The following AMZ2 variants were observed in gnomAD, a reference collection of about 807,000 sequenced individuals.
AMZ2 encodes the protein archaelysin family metallopeptidase 2, also known as archaemetzincin-2.
AMZ2 carries 26 observed loss-of-function variants against 36.7 expected under a neutral mutation model. The ratio of observed to expected loss-of-function variants is 0.71; its 90% CI spans 0.52 to 0.98. The LOEUF is 0.98. AMZ2 is among the 50% of genes least tolerant of loss of function. AMZ2 has a pLI of 0.00. For synonymous variants in AMZ2, 144 were observed against 149.1 expected (o/e 0.97, Z 0.25); for missense variants, 394 against 430.5 (o/e 0.92, Z 0.75).
chr17:68,214,756 C>T (rs2073152619), intron 1 of AMZ2, among the ~76,000 whole-genome samples: 1 of 151,772 alleles, frequency 6.6e-6, no homozygotes, highest in South Asian at 2.1e-4. Context: ...TTGTGTGTCT[C>T]CTACTTTATC....
intron 1 of AMZ2, among the ~76,000 whole-genome samples, chr17:68,217,841 C>T (rs1403419918): frequency 1.4e-5 from 2 of 139,414 alleles, no homozygotes; most frequent in Admixed American, 7.6e-5. Flanking sequence ...GAGATGGAGG[C>T]TGGCTCTGTC....
chr17:68,218,116 A>G (rs1250520977), intron 1 of AMZ2, among the ~76,000 whole-genome samples: 7 of 152,110 alleles, frequency 4.6e-5, no homozygotes, highest in Non-Finnish European at 7.4e-5. Context: ...CCGGCCAAAA[A>G]AAAGGTTCTT....
intron 4 of AMZ2, among the ~76,000 whole-genome samples, chr17:68,251,640 C>G (rs1316806372): frequency 3.9e-5 from 6 of 151,960 alleles, no homozygotes; most frequent in Middle Eastern, 3.4e-3. Context: ...GCACTCCAGC[C>G]TGGGCAATAA....
chr17:68,209,632 A>ATTTTT (rs1224207690), intron 1 of AMZ2, among the ~76,000 whole-genome samples: 12 of 90,680 alleles, frequency 1.3e-4, no homozygotes, highest in African/African-American at 5.9e-4. Flanking sequence ...ATATATATAT[A>ATTTTT]TTTTTTTTTT....
intron 1 of AMZ2, among the ~76,000 whole-genome samples, chr17:68,209,767 C>A (rs935636297): frequency 6.7e-6 from 1 of 150,168 alleles, no homozygotes; most frequent in Non-Finnish European, 1.5e-5. Context: ...ATTACAGGTG[C>A]CTGCCACCAT....
intron 1 of AMZ2, among the ~76,000 whole-genome samples, chr17:68,222,880 C>A (rs1274806030): frequency 6.6e-6 from 1 of 152,128 alleles, no homozygotes; most frequent in East Asian, 1.9e-4. Context: ...AACTATGGAC[C>A]AATACGGGTC....
chr17:68,213,828 T>G (rs1288401701), intron 1 of AMZ2, among the ~76,000 whole-genome samples: 25 of 151,762 alleles, frequency 1.6e-4, no homozygotes, highest in African/African-American at 5.3e-4. Context: ...TTTTTCTTTT[T>G]GGGGTATTTG....
chr17:68,248,903 G>A (rs1216493073), intron 1 of AMZ2, 198 bp downstream of exon 1: 5 of 654,198 alleles, frequency 7.6e-6, no homozygotes, highest in East Asian at 1.2e-4. Flanking sequence ...ATTAGCTTAA[G>A]TTTTCCCATC....
At chr17:68,222,730 A>C (rs1281090031) in intron 1 of AMZ2, among the ~76,000 whole-genome samples, 1 of 152,148 alleles carries the variant, frequency 6.6e-6, no homozygotes, top group African/African-American at 2.4e-5. Flanking sequence ...TGCACTCCTA[A>C]GAAAATCTAA....
chr17:68,212,698 C>G (rs1555726362), intron 1 of AMZ2, among the ~76,000 whole-genome samples: 1 of 141,886 alleles, frequency 7.0e-6, no homozygotes, highest in African/African-American at 2.5e-5. Context: ...TACCAAGTAG[C>G]TAGGATTATA....
At position 68,248,652 on chromosome 17, in the gene AMZ2, A is replaced by C. The variant is rs1568372404; in HGVS notation, c.-54A>C. 2.0e-6 allele frequency: 2 copies of C among 985,910 alleles called. No homozygotes were observed. Among genetic ancestry groups the C allele is most frequent in the Non-Finnish European group, 2.4e-6 (2 of 830,090 alleles). 61.1% of individuals were successfully genotyped at this position (985,910 alleles called of 1,614,324 possible). ...AACTTTCTTCCAGCCAGGCCCAGAC[A>C]TGTCCGTCCTTGTAAGTTAAAAGCT... On this transcript the variant is annotated 5_prime_UTR_variant, in exon 1 of 7. It removes an upstream start codon present in the reference 5' UTR. Transcript: ENST00000359904.
Position 68,250,356 on chromosome 17 carries a change from T to A in AMZ2, c.169T>A (p.Ser57Thr). The A allele has an allele frequency of 4.3e-6, 7 of 1,614,176 alleles. No individual in the cohort carries two copies. The highest frequency in any genetic ancestry group is 5.9e-6 in the Non-Finnish European group (7 of 1,180,028). Residue 57 changes from serine (S) to threonine (T), a missense_variant, in exon 2 of 7, where the codon TCA becomes ACA. Ser to Thr is a moderately conservative substitution (Grantham distance 58, BLOSUM62 1). Coordinates refer to ENST00000359904, the MANE Select transcript of AMZ2 (RefSeq NM_016627.5). ...LFGPITLHSP[S>T]DWITSHPEAP... is the part of the protein sequence containing the mutation. ...TGGACCCATTACCTTGCATTCTCCA[T>A]CAGATTGGATCACCTCCCACCCTGA...
At chr17:68,228,376 G>A (rs1326421172) in intron 1 of AMZ2, among the ~76,000 whole-genome samples, 1 of 152,164 alleles carries the variant, frequency 6.6e-6, no homozygotes, top group East Asian at 1.9e-4. Context: ...GTGACTTGCT[G>A]GGGTCACATG....
rs528296958 is a variant in AMZ2 at position 68,215,076 on chromosome 17, G to A, written c.-67+8838G>A. On this transcript the variant is annotated intron_variant, in intron 1 of 7. Transcript: ENST00000674770. ...TGGGATTATAGGCGTGAGCCACTGCGTCCAGACTAACAATATTTCTTTAGT... is the reference window on the plus strand; with the variant it reads ...TGGGATTATAGGCGTGAGCCACTGCATCCAGACTAACAATATTTCTTTAGT... Among the ~76,000 whole-genome samples, 69 of 152,284 alleles carry A rather than the reference G, an allele frequency of 4.5e-4. 1 individual carries two copies. The South Asian group carries it at 0.013, about 30-fold the overall frequency.
At chr17:68,244,363 T>C (rs548559533), upstream of AMZ2, among the ~76,000 whole-genome samples, 27 of 152,326 alleles carry the variant, frequency 1.8e-4, no homozygotes, top group Non-Finnish European at 3.8e-4. Flanking sequence ...CTCAGCTCAC[T>C]GCAACCTCCG....
chr17:68,223,285 C>A (rs1387911373), intron 1 of AMZ2, among the ~76,000 whole-genome samples: 4 of 151,994 alleles, frequency 2.6e-5, no homozygotes, highest in Non-Finnish European at 4.4e-5. Context: ...AGAGTCCACA[C>A]CAGAAGGCAT....
Position 68,238,547 on chromosome 17 carries a change from T to TAGAG in AMZ2, c.-66-10089_-66-10086dup, listed in dbSNP as rs1230373403. On this transcript the variant is annotated intron_variant, in intron 1 of 7. Coordinates refer to the AMZ2 transcript ENST00000674770. ...TTTATATGCCATATGTATATATATA[T>TAGAG]AGAGAGAAAGAGTGCATATAGATAT... Among the ~76,000 whole-genome samples, 1,040 of 151,768 alleles carry TAGAG rather than the reference T, an allele frequency of 6.9e-3. 7 individuals carry two copies. The highest frequency in any genetic ancestry group is 0.032 in the East Asian group (163 of 5,156).
At chr17:68,229,785 C>A (rs1748831802) in intron 1 of AMZ2, among the ~76,000 whole-genome samples, 1 of 152,184 alleles carries the variant, frequency 6.6e-6, no homozygotes, top group Non-Finnish European at 1.5e-5. Context: ...GCTTCACCAC[C>A]CCCATGTCAG....
intron 1 of AMZ2, among the ~76,000 whole-genome samples, chr17:68,216,893 C>T (rs1166859468): frequency 2.6e-5 from 4 of 151,978 alleles, no homozygotes; most frequent in Non-Finnish European, 5.9e-5. Flanking sequence ...ATTAGCCAGG[C>T]GTGGTGGCAC....
Sources: allele counts gnomAD v4.1 joint callset (sites outside exome capture counted in the v4.1 genomes callset), GRCh38; gene constraint gnomAD v4.1.1; transcripts MANE v1.5; gene names NCBI Gene and HGNC (gene_info 2026-07-23, HGNC 2026-07-21).